Variants in MEMO1 observed in about 807,000 individuals in gnomAD.
The protein encoded by MEMO1 is protein MEMO1.
MEMO1 carries 6 observed loss-of-function variants against 45.2 expected under a neutral mutation model. That is an observed-to-expected ratio of 0.13 (90% CI 0.07 to 0.26). The LOEUF is 0.26. Ranked by LOEUF, MEMO1 falls within the 10% of genes least tolerant of loss-of-function variation. MEMO1 has a pLI of 1.00. For missense variants in MEMO1, 184 were observed against 370.5 expected (o/e 0.50, Z 4.13); for synonymous variants, 78 against 124.3 (o/e 0.63, Z 2.48).
At chr2:31,874,844 T>G (rs1032525282) in intron 8 of MEMO1, among the ~76,000 whole-genome samples, 1 of 151,904 alleles carries the variant, frequency 6.6e-6, no homozygotes, top group Non-Finnish European at 1.5e-5. Flanking sequence ...AAAATAAATA[T>G]GCAAAAGTAC....
chr2:31,947,073 G>A (rs937162864), intron 2 of MEMO1, among the ~76,000 whole-genome samples: 1 of 152,022 alleles, frequency 6.6e-6, no homozygotes, highest in Non-Finnish European at 1.5e-5. Context: ...CAACGAAATG[G>A]CCTAACCACC....
At chr2:31,994,012 G>A (rs1672268221) in intron 2 of MEMO1, among the ~76,000 whole-genome samples, 1 of 122,600 alleles carries the variant, frequency 8.2e-6, no homozygotes, top group East Asian at 2.7e-4. Context: ...CCAGGCTTGA[G>A]TGCAGTGACA....
Position 31,883,481 on chromosome 2 carries a change from T to C in MEMO1, c.581-19A>G. 1 of 1,531,496 alleles carries C rather than the reference T, an allele frequency of 6.5e-7. No homozygotes were observed. Among genetic ancestry groups the C allele is most frequent in the South Asian group, 1.3e-5 (1 of 79,246 alleles). 94.9% of individuals were successfully genotyped at this position (1,531,496 alleles called of 1,614,324 possible). On this transcript the variant is annotated intron_variant, in intron 7 of 9. Coordinates refer to ENST00000404530, the MANE Select transcript of MEMO1 (RefSeq NM_001301833.4). The stretch of plus-strand genomic sequence containing the variant: ...CTTTGACCTTGAAACAAATATCATG[T>C]ACAAAATAAAATAGGGAAAAATTAG...
intron 6 of MEMO1, among the ~76,000 whole-genome samples, chr2:31,917,190 C>T (rs748899918): frequency 2.6e-5 from 4 of 152,108 alleles, no homozygotes; most frequent in African/African-American, 4.8e-5. Context: ...ATACTTAGAA[C>T]TGCCAAACTA....
At chr2:31,943,527 G>T in intron 2 of MEMO1, 144 bp from the exon 3 acceptor site, 1 of 669,572 alleles carries the variant, frequency 1.5e-6, no homozygotes, top group East Asian at 2.6e-5. Flanking sequence ...GTTAATGTTT[G>T]AATTTACCAA....
intron 2 of MEMO1, among the ~76,000 whole-genome samples, chr2:31,953,366 C>CAAAA (rs1227298943): frequency 1.4e-5 from 1 of 72,520 alleles, no homozygotes. Context: ...AACTCCGTCT[C>CAAAA]AAAAAAAAAA....
At chr2:31,997,913 T>C (rs1215470843) in intron 2 of MEMO1, among the ~76,000 whole-genome samples, 1 of 152,204 alleles carries the variant, frequency 6.6e-6, no homozygotes, top group African/African-American at 2.4e-5. Context: ...ACACAGGAAA[T>C]GGCTAAGACG....
intron 2 of MEMO1, among the ~76,000 whole-genome samples, chr2:31,975,419 T>C (rs886107817): frequency 2.0e-5 from 3 of 152,146 alleles, no homozygotes; most frequent in Non-Finnish European, 4.4e-5. Flanking sequence ...TATAAACATT[T>C]TGGGACTTTT....
At chr2:31,873,549 T>G (rs1288257667) in intron 8 of MEMO1, among the ~76,000 whole-genome samples, 1 of 152,080 alleles carries the variant, frequency 6.6e-6, no homozygotes, top group Admixed American at 6.6e-5. Flanking sequence ...TTAAAAAAGT[T>G]TACCTATATT....
At chr2:31,948,108 G>A (rs1666396974) in intron 2 of MEMO1, among the ~76,000 whole-genome samples, 1 of 152,126 alleles carries the variant, frequency 6.6e-6, no homozygotes, top group African/African-American at 2.4e-5. Flanking sequence ...TGGCCTATAG[G>A]CTATACTCCA....
intron 2 of MEMO1, among the ~76,000 whole-genome samples, chr2:31,980,809 G>T (rs1367122266): frequency 6.6e-6 from 1 of 152,122 alleles, no homozygotes; most frequent in Non-Finnish European, 1.5e-5. Context: ...TGCATTACTT[G>T]TTGACCACAG....
chr2:31,986,610 C>T (rs570516978), intron 2 of MEMO1, among the ~76,000 whole-genome samples: 8 of 152,106 alleles, frequency 5.3e-5, no homozygotes, highest in Non-Finnish European at 1.2e-4. Context: ...TGCAAAATAC[C>T]TATTAAGTAC....
chr2:31,985,738 C>G (rs1671182489), intron 2 of MEMO1, among the ~76,000 whole-genome samples: 1 of 152,290 alleles, frequency 6.6e-6, no homozygotes, highest in South Asian at 2.1e-4. Flanking sequence ...ATTCCACAAG[C>G]AATTTTATAC....
At chr2:31,873,930 T>C (rs1674167095) in intron 8 of MEMO1, among the ~76,000 whole-genome samples, 2 of 152,118 alleles carry the variant, frequency 1.3e-5, no homozygotes, top group South Asian at 4.1e-4. Context: ...TTATAAGTGA[T>C]GTTATAAAAC....
At chr2:31,983,234 C>T (rs765621471) in intron 2 of MEMO1, among the ~76,000 whole-genome samples, 8 of 152,080 alleles carry the variant, frequency 5.3e-5, no homozygotes, top group Non-Finnish European at 1.2e-4. Context: ...GCACTCCAGC[C>T]TGGGCAACAG....
chr2:31,933,317 TAAAAA>T (rs34487390), intron 3 of MEMO1, among the ~76,000 whole-genome samples: 11 of 24,104 alleles, frequency 4.6e-4, no homozygotes, highest in African/African-American at 1.6e-3. Context: ...ACCACCTCTT[TAAAAA>T]AAAAAAAAAA....
intron 6 of MEMO1, 88 bp downstream of exon 6, chr2:31,917,838 T>C: frequency 1.2e-6 from 1 of 804,946 alleles, no homozygotes; most frequent in Admixed American, 3.0e-5. Flanking sequence ...CTCCTTACCC[T>C]GATAATTACT....
intron 8 of MEMO1, among the ~76,000 whole-genome samples, chr2:31,879,324 G>C (rs926124639): frequency 5.3e-5 from 8 of 152,106 alleles, no homozygotes; most frequent in African/African-American, 1.7e-4. Context: ...TCTCTAAGCA[G>C]AACTCTACTG....
At chr2:32,010,151 G>T (rs922831020) in intron 2 of MEMO1, 36 bp downstream of exon 2, 4 of 1,203,162 alleles carry the variant, frequency 3.3e-6, no homozygotes, top group Admixed American at 6.1e-5. Context: ...GCCAGGCGGC[G>T]ACGGCGGCGG....
Sources: allele counts gnomAD v4.1 joint callset (sites outside exome capture counted in the v4.1 genomes callset), GRCh38; gene constraint gnomAD v4.1.1; transcripts MANE v1.5; gene names NCBI Gene and HGNC (gene_info 2026-07-23, HGNC 2026-07-21).